The following DCTN2 variants were observed in gnomAD, a reference collection of about 807,000 sequenced individuals.
DCTN2 encodes dynactin subunit 2.
DCTN2 carries 18 observed loss-of-function variants against 55.4 expected under a neutral mutation model. The ratio of observed to expected loss-of-function variants is 0.32; its 90% confidence interval spans 0.22 to 0.48. The LOEUF (loss-of-function observed/expected upper bound fraction) is 0.48. DCTN2 is among the 20% of genes least tolerant of loss of function. The probability of loss-of-function intolerance (pLI) is 0.99; values close to 1 mark genes in which losing one functional copy is unlikely to be tolerated. For synonymous variants in DCTN2, 168 were observed against 185.2 expected (o/e 0.91, Z 0.76); for missense variants, 390 against 491.0 (o/e 0.79, Z 1.94).
chr12:57,540,485 C>G (rs1032838458), intron 2 of DCTN2, among the ~76,000 whole-genome samples: 2 of 152,144 alleles, frequency 1.3e-5, no homozygotes, highest in Non-Finnish European at 2.9e-5. Context: ...GCCCTGGCCC[C>G]GGGTGCCAGC....
intron 2 of DCTN2, among the ~76,000 whole-genome samples, chr12:57,540,983 A>G (rs1456438680): frequency 2.0e-5 from 3 of 152,224 alleles, no homozygotes; most frequent in Admixed American, 2.0e-4. Context: ...CTTGTCTAGA[A>G]TAGCTAAAAG....
At chr12:57,546,898 G>A (rs1452788089) in intron 1 of DCTN2, 130 bp downstream of exon 1, 1 of 793,476 alleles carries the variant, frequency 1.3e-6, no homozygotes, top group South Asian at 6.0e-5. Flanking sequence ...GCCGATCGGA[G>A]AACGAGCGGC....
intron 9 of DCTN2, 78 bp downstream of exon 9, chr12:57,532,906 C>A: frequency 6.3e-7 from 1 of 1,592,760 alleles, no homozygotes; most frequent in Non-Finnish European, 8.6e-7. Flanking sequence ...GCTACAAACT[C>A]AAAAATAATC....
In DCTN2 at chr12:57,530,583, A is replaced by T. The variant is rs950563288; in HGVS notation, c.*106T>A. ...GAAGAACCCTTGCCCCCAGTGTCAA[A>T]TGGGATGGGGATGCTAGAGTTATAG... On this transcript the variant is annotated 3_prime_UTR_variant, in exon 14 of 14. Coordinates refer to ENST00000548249, the MANE Select transcript of DCTN2 (RefSeq NM_001261413.2). 8.1e-6 allele frequency: 8 copies of T among 993,456 alleles called. No individual in the cohort carries two copies. The African/African-American group carries it at 1.1e-4, about 14-fold the overall frequency. 61.5% of individuals were successfully genotyped at this position (993,456 alleles called of 1,614,324 possible). A position where few individuals can be genotyped will look rare whatever the true frequency, so the allele number is the denominator to read the frequency against.
intron 2 of DCTN2, chr12:57,538,561 T>A (rs1051167650): frequency 2.7e-6 from 2 of 748,330 alleles, no homozygotes; most frequent in Non-Finnish European, 4.9e-6. Context: ...ATCAAAAGAG[T>A]TAAAAGGAAA....
Position 57,535,409 on chromosome 12 carries a change from T to C in DCTN2, c.264+75A>G, listed in dbSNP as rs1880147152. 4.5e-6 allele frequency: 7 copies of C among 1,562,396 alleles called. No individual in the cohort carries two copies. In the South Asian group the frequency reaches 7.8e-5, roughly 17 times the overall value. On this transcript the variant is annotated intron_variant, in intron 4 of 13. Transcript: ENST00000548249. Reference sequence around the variant, plus strand: ...GGAACAGAATCCCGCCTGTATCCCTTGATCTCCCTACTACATGTCTGCTAG... The same window carrying C: ...GGAACAGAATCCCGCCTGTATCCCTCGATCTCCCTACTACATGTCTGCTAG...
intron 2 of DCTN2, chr12:57,541,463 A>T: frequency 7.7e-7 from 1 of 1,306,018 alleles, no homozygotes; most frequent in Non-Finnish European, 1.1e-6. Flanking sequence ...GTCAATGAAC[A>T]CAATCAAGCA....
rs149652140 is a variant in DCTN2, at chr12:57,542,770, G to T, written c.105+3258C>A. 835 of 455,564 alleles carry T rather than the reference G, an allele frequency of 1.8e-3. 15 individuals are homozygous for T. Among genetic ancestry groups the T allele is most frequent in the Admixed American group, 0.013 (568 of 42,542 alleles). 28.2% of individuals were successfully genotyped at this position (455,564 alleles called of 1,614,324 possible). On this transcript the variant is annotated intron_variant, in intron 2 of 13. Coordinates refer to ENST00000548249, the MANE Select transcript of DCTN2 (RefSeq NM_001261413.2). The stretch of plus-strand genomic sequence containing the variant: ...GGAGGCAAAGGTTGCAGTGAGACAA[G>T]ATTGTGCCACTGCACTCCAGCCTGG...
intron 2 of DCTN2, chr12:57,541,491 A>G: frequency 9.7e-7 from 1 of 1,034,346 alleles, no homozygotes; most frequent in East Asian, 2.4e-5. Context: ...GGATCTTCTA[A>G]ACTGTAAGGA....
intron 2 of DCTN2, among the ~76,000 whole-genome samples, chr12:57,544,824 C>T (rs1881014330): frequency 6.6e-6 from 1 of 152,106 alleles, no homozygotes; most frequent in African/African-American, 2.4e-5. Context: ...TATAAGATGC[C>T]TCTTGGAGTG....
intron 2 of DCTN2, chr12:57,538,547 G>C (rs1565681297): frequency 1.3e-6 from 1 of 755,294 alleles, no homozygotes; most frequent in Non-Finnish European, 2.4e-6. Context: ...CCAGAGGTGA[G>C]AAAATCAAAA....
At chr12:57,535,653 C>A in intron 3 of DCTN2, 96 bp downstream of exon 3, 1 of 1,508,444 alleles carries the variant, frequency 6.6e-7, no homozygotes, top group African/African-American at 1.4e-5. Context: ...GGGACCCCTT[C>A]CCCCAAGCAC....
intron 2 of DCTN2, chr12:57,542,792 C>T (rs1254803620): frequency 1.1e-5 from 5 of 455,756 alleles, no homozygotes; most frequent in Non-Finnish European, 2.2e-5. Context: ...GCACTCCAGC[C>T]TGGGGGAAAG....
intron 2 of DCTN2, chr12:57,538,356 T>G: frequency 9.2e-6 from 6 of 655,048 alleles, no homozygotes; most frequent in East Asian, 2.9e-5. Flanking sequence ...ATCTGGGGCA[T>G]GAGTTGGGGG....
intron 2 of DCTN2, among the ~76,000 whole-genome samples, chr12:57,540,379 CTGTCCTATGGG>C (rs1319873623): frequency 1.3e-5 from 2 of 152,206 alleles, no homozygotes; most frequent in Non-Finnish European, 2.9e-5. Flanking sequence ...ACCTCCAGGT[CTGTCCTATGGG>C]TGGGTTGAAG....
chr12:57,533,366 C>G, intron 7 of DCTN2, 63 bp from the exon 8 acceptor site: 1 of 1,449,988 alleles, frequency 6.9e-7, no homozygotes. Flanking sequence ...GGGAGGAATA[C>G]GATCCTGCTC....
rs767597364 is a variant in DCTN2 at position 57,547,013 on chromosome 12, C to A, written c.36+15G>T. 11 of 1,289,636 alleles carry A rather than the reference C, an allele frequency of 8.5e-6. No homozygotes were observed. The highest frequency in any genetic ancestry group is 2.2e-4 in the Middle Eastern group (1 of 4,536). The allele number at this position is 1,289,636 out of a possible 1,614,324, so 79.9% of individuals were successfully genotyped here. A position where few individuals can be genotyped will look rare whatever the true frequency, so the allele number is the denominator to read the frequency against. Reference sequence around the variant, plus strand: ...GGGCGCGGTCCTGGGGAGCCGGGGCCGGTCCTGTACTCACAATGCCGGGAA... The same window carrying A: ...GGGCGCGGTCCTGGGGAGCCGGGGCAGGTCCTGTACTCACAATGCCGGGAA... On this transcript the variant is annotated intron_variant, in intron 1 of 13. Transcript: ENST00000548249.
intron 1 of DCTN2, among the ~76,000 whole-genome samples, chr12:57,546,716 T>C (rs768711478): frequency 1.5e-4 from 23 of 151,618 alleles, no homozygotes; most frequent in Non-Finnish European, 2.9e-4. Context: ...ATGGAGAGAT[T>C]TGGGGGGGAC....
intron 2 of DCTN2, among the ~76,000 whole-genome samples, chr12:57,544,298 C>A (rs775238): frequency 6.6e-6 from 1 of 152,134 alleles, no homozygotes; most frequent in African/African-American, 2.4e-5. Context: ...CCTACCTACA[C>A]CCTCCTGTAT....
Sources: allele counts gnomAD v4.1 joint callset (sites outside exome capture counted in the v4.1 genomes callset), GRCh38; gene constraint gnomAD v4.1.1; transcripts MANE v1.5; gene names NCBI Gene and HGNC (gene_info 2026-07-23, HGNC 2026-07-21).